The following CNOT6 variants were observed in gnomAD, a reference collection of about 807,000 sequenced individuals.
CNOT6 encodes carbon catabolite repression 4 protein.
A neutral mutation model predicts 61.2 loss-of-function variants in CNOT6; 12 were observed. That is an observed-to-expected ratio of 0.20 (90% CI 0.13 to 0.32). The LOEUF (loss-of-function observed/expected upper bound fraction) is 0.32, where lower values mean the gene tolerates loss of function less well. CNOT6 is among the 10% of genes least tolerant of loss of function. The pLI, the probability that CNOT6 is intolerant of heterozygous loss-of-function variation, is 1.00. For synonymous variants in CNOT6, 225 were observed against 240.6 expected (o/e 0.94, Z 0.60); for missense variants, 405 against 663.9 (o/e 0.61, Z 4.28).
intron 1 of CNOT6, among the ~76,000 whole-genome samples, chr5:180,501,336 G>T (rs897871180): frequency 6.6e-6 from 1 of 152,188 alleles, no homozygotes; most frequent in African/African-American, 2.4e-5. Context: ...GTATGATTCA[G>T]AACTTGTTTA....
intron 2 of CNOT6, among the ~76,000 whole-genome samples, chr5:180,549,598 C>T (rs780507606): frequency 1.4e-4 from 21 of 151,608 alleles, no homozygotes; most frequent in African/African-American, 4.6e-4. Flanking sequence ...GCAGTGAGCC[C>T]AGATCACGCC....
At chr5:180,548,175 T>C (rs116193141) in intron 2 of CNOT6, among the ~76,000 whole-genome samples, 122 of 152,346 alleles carry the variant, frequency 8.0e-4, no homozygotes, top group African/African-American at 2.9e-3. Context: ...TAGTGGGTTT[T>C]GTATATTCAC....
chr5:180,499,864 A>G (rs1756785912), intron 1 of CNOT6, among the ~76,000 whole-genome samples: 1 of 152,220 alleles, frequency 6.6e-6, no homozygotes, highest in Non-Finnish European at 1.5e-5. Flanking sequence ...TTGTAACACG[A>G]GAAGCAAATA....
In CNOT6 at chr5:180,577,666, A is replaced by G. The variant is rs1006770498; in HGVS notation, c.*3466A>G. 1 of 152,634 alleles carries G rather than the reference A, an allele frequency of 6.6e-6. No homozygotes were observed. The highest frequency in any genetic ancestry group is 1.5e-5 in the Non-Finnish European group (1 of 68,042). The allele number at this position is 152,634 out of a possible 1,614,324, so 9.5% of individuals were successfully genotyped here. ...AAAGTATCTAGTCTTTATTCACAGT[A>G]CATTATATTGTGTGATGCACTGGAC... On this transcript the variant is annotated 3_prime_UTR_variant, in exon 12 of 12. Transcript: ENST00000261951.
intron 1 of CNOT6, among the ~76,000 whole-genome samples, chr5:180,503,388 C>G (rs1290963596): frequency 6.6e-6 from 1 of 151,634 alleles, no homozygotes; most frequent in Non-Finnish European, 1.5e-5. Flanking sequence ...CTCAGCTTCC[C>G]GAGCAGCTGG....
chr5:180,516,526 G>C (rs1285496572), intron 1 of CNOT6, among the ~76,000 whole-genome samples: 1 of 152,156 alleles, frequency 6.6e-6, no homozygotes, highest in Non-Finnish European at 1.5e-5. Flanking sequence ...AGTTAAGATT[G>C]CCTGTAACTC....
At chr5:180,509,298 AT>A (rs1208530571) in intron 1 of CNOT6, among the ~76,000 whole-genome samples, 1 of 151,912 alleles carries the variant, frequency 6.6e-6, no homozygotes, top group East Asian at 1.9e-4. Flanking sequence ...CACTTGGTTA[AT>A]TTTGGTATTT....
At chr5:180,540,307 C>T (rs1314337891) in intron 2 of CNOT6, among the ~76,000 whole-genome samples, 1 of 151,934 alleles carries the variant, frequency 6.6e-6, no homozygotes. Context: ...TTTTTTAGTT[C>T]CATTAAACAC....
intron 2 of CNOT6, among the ~76,000 whole-genome samples, chr5:180,547,435 G>A (rs1420736388): frequency 3.3e-5 from 5 of 151,934 alleles, no homozygotes; most frequent in Non-Finnish European, 2.9e-5. Flanking sequence ...CAGGAGAATC[G>A]CTTGAACCTG....
chr5:180,497,381 A>ATAT (rs1179660728), intron 1 of CNOT6, among the ~76,000 whole-genome samples: 6 of 152,020 alleles, frequency 3.9e-5, no homozygotes, highest in Admixed American at 1.3e-4. Context: ...TCCAGTACCT[A>ATAT]TATTTGCCTT....
intron 3 of CNOT6, among the ~76,000 whole-genome samples, chr5:180,550,712 A>G (rs1759552978): frequency 6.6e-6 from 1 of 152,180 alleles, no homozygotes; most frequent in Non-Finnish European, 1.5e-5. Flanking sequence ...ATGTTATCCC[A>G]CATACTTCCT....
chr5:180,577,162 A>AAT lies in CNOT6; in HGVS notation c.*2963_*2964dup, dbSNP rs1175835301. 5.7e-5 allele frequency: 2 copies of AAT among 35,108 alleles called. No individual in the cohort carries two copies. Among genetic ancestry groups the AAT allele is most frequent in the Non-Finnish European group, 1.4e-4 (2 of 13,838 alleles). The allele number at this position is 35,108 out of a possible 1,614,324, so 2.2% of individuals were successfully genotyped here. On this transcript the variant is annotated 3_prime_UTR_variant, in exon 12 of 12. Coordinates refer to ENST00000261951, the MANE Select transcript of CNOT6 (RefSeq NM_001370472.1). ...AAGATAGGCAGAGAACATCTCCAGA[A>AAT]ATGTGTGTGTGTGTGTGTGTGTGTG...
intron 4 of CNOT6, among the ~76,000 whole-genome samples, chr5:180,560,964 A>ATCAG (rs34025843): frequency 0.89 from 135,317 of 151,890 alleles, 60,386 homozygotes; most frequent in East Asian, 0.98. Flanking sequence ...CTATCTATCA[A>ATCAG]TCAATCAGTC....
chr5:180,534,123 G>A (rs1200974430), intron 2 of CNOT6: 1 of 153,044 alleles, frequency 6.5e-6, no homozygotes, highest in African/African-American at 2.4e-5. Context: ...TTGGGACAGG[G>A]AAGAGTTATT....
At chr5:180,511,031 C>T (rs749567552) in intron 1 of CNOT6, among the ~76,000 whole-genome samples, 1 of 152,198 alleles carries the variant, frequency 6.6e-6, no homozygotes, top group Non-Finnish European at 1.5e-5. Context: ...TCTCGAACTC[C>T]TGACCTCAGG....
At chr5:180,522,630 T>A (rs1053381439) in intron 1 of CNOT6, among the ~76,000 whole-genome samples, 9 of 151,966 alleles carry the variant, frequency 5.9e-5, no homozygotes, top group African/African-American at 2.2e-4. Flanking sequence ...TGTGGAGCAT[T>A]TTTTCATGTT....
intron 1 of CNOT6, among the ~76,000 whole-genome samples, chr5:180,503,906 C>T (rs937459352): frequency 3.3e-5 from 5 of 152,088 alleles, no homozygotes; most frequent in Admixed American, 6.6e-5. Flanking sequence ...CGCCTGGCCC[C>T]TTTTTCTTCT....
chr5:180,531,443 CG>C (rs1758370962), intron 2 of CNOT6, among the ~76,000 whole-genome samples: 1 of 151,156 alleles, frequency 6.6e-6, no homozygotes, highest in Non-Finnish European at 1.5e-5. Context: ...CGGGCAGAGA[CG>C]CTCCTCATTT....
intron 1 of CNOT6, among the ~76,000 whole-genome samples, chr5:180,505,621 C>T (rs1229614077): frequency 4.7e-5 from 7 of 149,586 alleles, no homozygotes; most frequent in African/African-American, 1.7e-4. Context: ...GATCTCGGCT[C>T]ACTGCAAGCT....
Sources: gnomAD v4.1 joint callset for allele counts (sites outside exome capture counted in the v4.1 genomes callset) on GRCh38, gnomAD v4.1.1 for gene constraint, MANE v1.5 for transcripts, NCBI Gene and HGNC (gene_info 2026-07-23, HGNC 2026-07-21) for gene names.